The following DNAAF11 variants were observed in gnomAD, a reference collection of about 807,000 sequenced individuals.
The protein encoded by DNAAF11 is dynein axonemal assembly factor 11, also known as leucine rich repeat containing 6.
In DNAAF11, 45 loss-of-function variants were observed where a neutral mutation model predicts 60.8. The ratio of observed to expected loss-of-function variants is 0.74; its 90% CI spans 0.58 to 0.95. The LOEUF (loss-of-function observed/expected upper bound fraction) is 0.95. Ranked by LOEUF, DNAAF11 falls within the 40% of genes least tolerant of loss-of-function variation. The pLI, the probability that DNAAF11 is intolerant of heterozygous loss-of-function variation, is 0.00. For synonymous variants in DNAAF11, 191 were observed against 183.5 expected (o/e 1.04, Z -0.33); for missense variants, 546 against 546.2 (o/e 1.00, Z 0.00).
Position 132,610,268 on chromosome 8 carries a change from A to G in DNAAF11, c.1045-7T>C. Reference sequence around the variant, plus strand: ...GAAGGACAAGCTGAAATGGCTGAAAATAAGTAGAAAGAAAGTATCATTGAG... The same window carrying G: ...GAAGGACAAGCTGAAATGGCTGAAAGTAAGTAGAAAGAAAGTATCATTGAG... On this transcript the variant is annotated splice_region_variant and splice_polypyrimidine_tract_variant and intron_variant, in intron 9 of 11. Transcript: ENST00000620350. 6.3e-7 allele frequency: 1 copy of G among 1,596,280 alleles called. No individual in the cohort carries two copies. Among genetic ancestry groups the G allele is most frequent in the East Asian group, 2.2e-5 (1 of 44,762 alleles).
intron 10 of DNAAF11, among the ~76,000 whole-genome samples, chr8:132,595,347 G>GAAAAAAAAAAAAAAAAAAAAAA (rs1563992420): frequency 2.5e-5 from 1 of 40,680 alleles, no homozygotes; most frequent in African/African-American, 8.0e-5. Context: ...GAGACAGAGG[G>GAAAAAAAAAAAAAAAAAAAAAA]GAAAAAAAAA....
At chr8:132,589,535 T>A (rs1011818274) in intron 10 of DNAAF11, among the ~76,000 whole-genome samples, 1 of 152,238 alleles carries the variant, frequency 6.6e-6, no homozygotes, top group Non-Finnish European at 1.5e-5. Flanking sequence ...AGTGTCTTTT[T>A]CTCTTGCCTA....
chr8:132,645,867 T>C (rs913115694), intron 3 of DNAAF11, among the ~76,000 whole-genome samples: 1 of 152,220 alleles, frequency 6.6e-6, no homozygotes, highest in Non-Finnish European at 1.5e-5. Flanking sequence ...CTGATTGGTG[T>C]ACCTGAAAGT....
intron 1 of DNAAF11, among the ~76,000 whole-genome samples, chr8:132,672,228 C>A (rs1825256830): frequency 6.6e-6 from 1 of 151,864 alleles, no homozygotes; most frequent in Admixed American, 6.6e-5. Flanking sequence ...CAAATGTGTC[C>A]CAGTAATACA....
rs1309221556 is a variant in DNAAF11, at chr8:132,611,231, G to A, written c.1044+63C>T. 3.7e-5 allele frequency: 42 copies of A among 1,131,106 alleles called. 2 individuals carry two copies. The South Asian group carries it at 5.3e-4, about 14-fold the overall frequency. 70.1% of individuals were successfully genotyped at this position (1,131,106 alleles called of 1,614,324 possible). On this transcript the variant is annotated intron_variant, in intron 9 of 11. Coordinates refer to ENST00000620350, the MANE Select transcript of DNAAF11 (RefSeq NM_012472.6). ...TTAATAATACTTAAAAACATTTGAG[G>A]CACCACAGCTTAGTTCAAAGCTTAG...
chr8:132,585,662 T>C (rs1423825336), intron 10 of DNAAF11, among the ~76,000 whole-genome samples: 5 of 152,302 alleles, frequency 3.3e-5, no homozygotes, highest in African/African-American at 1.2e-4. Context: ...TATGGAAGAA[T>C]TGGCAACTAA....
At chr8:132,686,246 A>G in the DNAAF11 span, among the ~76,000 whole-genome samples, 1 of 152,082 alleles carries the variant, frequency 6.6e-6, no homozygotes, top group Non-Finnish European at 1.5e-5. Context: ...CCAGAGAGAG[A>G]AAAATGCAAA....
chr8:132,593,998 G>C (rs1461524654), intron 10 of DNAAF11, among the ~76,000 whole-genome samples: 1 of 151,966 alleles, frequency 6.6e-6, no homozygotes, highest in African/African-American at 2.4e-5. Flanking sequence ...TAGGAAAAAG[G>C]AAGTAATCAC....
rs1464540757 is a variant in DNAAF11 at position 132,666,503 on chromosome 8, G to C, written c.11-4876C>G. Among the ~76,000 whole-genome samples, 2 of 152,132 alleles carry C rather than the reference G, an allele frequency of 1.3e-5. 1 individual carries two copies. Among genetic ancestry groups the C allele is most frequent in the Non-Finnish European group, 2.9e-5 (2 of 68,030 alleles). On this transcript the variant is annotated intron_variant, in intron 1 of 11. Coordinates refer to ENST00000620350, the MANE Select transcript of DNAAF11 (RefSeq NM_012472.6). ...GGAATTTTCTGTCCAGAATTAAGGA[G>C]AGGCAGTGACAACAGTGCAGGATGA...
chr8:132,681,808 T>G, the DNAAF11 span, among the ~76,000 whole-genome samples: 2 of 152,326 alleles, frequency 1.3e-5, no homozygotes, highest in East Asian at 3.9e-4. Flanking sequence ...GATGTTTTAG[T>G]TAGGACTTTA....
At chr8:132,600,043 T>C (rs1817444802) in intron 10 of DNAAF11, among the ~76,000 whole-genome samples, 1 of 152,032 alleles carries the variant, frequency 6.6e-6, no homozygotes, top group African/African-American at 2.4e-5. Flanking sequence ...CAGCCCAAAA[T>C]CTCCTTAAGC....
chr8:132,584,356 A>T (rs1349134321), intron 10 of DNAAF11, among the ~76,000 whole-genome samples: 3 of 152,178 alleles, frequency 2.0e-5, no homozygotes, highest in Non-Finnish European at 4.4e-5. Context: ...TCCATTCAAC[A>T]AACATACTGC....
intron 2 of DNAAF11, among the ~76,000 whole-genome samples, chr8:132,657,678 G>A (rs1823715507): frequency 6.6e-6 from 1 of 152,212 alleles, no homozygotes; most frequent in African/African-American, 2.4e-5. Context: ...AATTGCTGCA[G>A]AATGGGGCCT....
intron 6 of DNAAF11, among the ~76,000 whole-genome samples, chr8:132,623,179 A>G (rs111705081): frequency 2.9e-3 from 435 of 152,320 alleles, no homozygotes; most frequent in African/African-American, 9.8e-3. Flanking sequence ...TATTTACAGT[A>G]GCAAACCCCT....
intron 3 of DNAAF11, among the ~76,000 whole-genome samples, chr8:132,649,373 G>T (rs1822760383): frequency 6.6e-6 from 1 of 152,052 alleles, no homozygotes; most frequent in Non-Finnish European, 1.5e-5. Context: ...AATTTGAGAT[G>T]GATTAAAGAC....
At chr8:132,580,271 C>A (rs1007531635) in intron 11 of DNAAF11, among the ~76,000 whole-genome samples, 1 of 152,152 alleles carries the variant, frequency 6.6e-6, no homozygotes, top group Non-Finnish European at 1.5e-5. Flanking sequence ...TGGAGCCTTT[C>A]CCTGTGCAGT....
chr8:132,702,356 T>C, the DNAAF11 span: 17 of 152,238 alleles, frequency 1.1e-4, no homozygotes, highest in Non-Finnish European at 1.6e-4. Flanking sequence ...AGTCTACATA[T>C]ATGTCTATCT....
chr8:132,615,667 T>C (rs1819075640), intron 7 of DNAAF11, among the ~76,000 whole-genome samples: 1 of 152,156 alleles, frequency 6.6e-6, no homozygotes, highest in Non-Finnish European at 1.5e-5. Flanking sequence ...ATAGCTGAAT[T>C]ATAATAAATG....
chr8:132,656,428 T>C (rs918917420), intron 3 of DNAAF11, among the ~76,000 whole-genome samples: 5 of 152,190 alleles, frequency 3.3e-5, no homozygotes, highest in Non-Finnish European at 7.3e-5. Context: ...AAAATGTTAA[T>C]TTTAAAAGCG....
Sources: gnomAD v4.1 joint callset for allele counts (sites outside exome capture counted in the v4.1 genomes callset) on GRCh38, gnomAD v4.1.1 for gene constraint, MANE v1.5 for transcripts, NCBI Gene and HGNC (gene_info 2026-07-23, HGNC 2026-07-21) for gene names.